Variants in EIF4E observed in about 807,000 individuals in gnomAD.
The protein encoded by EIF4E is eIF-4F 25 kDa subunit.
For missense variants in EIF4E, 113 were observed against 265.6 expected, an observed-to-expected ratio of 0.43 and a Z score of 3.99; for synonymous variants, 71 against 88.5, an observed-to-expected ratio of 0.80 and a Z score of 1.11.
intron 1 of EIF4E, among the ~76,000 whole-genome samples, chr4:98,905,566 G>GT (rs1033902911): frequency 5.3e-5 from 8 of 152,116 alleles, no homozygotes; most frequent in South Asian, 2.1e-4. Context: ...GGCTAAAAGT[G>GT]TACCTTTCAT....
intron 1 of EIF4E, among the ~76,000 whole-genome samples, chr4:98,903,162 AAAG>A (rs1401402751): frequency 6.6e-6 from 1 of 152,210 alleles, no homozygotes; most frequent in African/African-American, 2.4e-5. Flanking sequence ...GTTGTCAACA[AAAG>A]AAGAGAGCCA....
intron 2 of EIF4E, among the ~76,000 whole-genome samples, chr4:98,901,007 C>T (rs1464834199): frequency 6.6e-6 from 1 of 152,132 alleles, no homozygotes; most frequent in Non-Finnish European, 1.5e-5. Context: ...ATCTCTTTTT[C>T]CATGTTTTAT....
intron 1 of EIF4E, among the ~76,000 whole-genome samples, chr4:98,917,697 A>T (rs1018429876): frequency 2.6e-5 from 4 of 152,224 alleles, no homozygotes; most frequent in African/African-American, 9.6e-5. Flanking sequence ...GGCCAAAGAT[A>T]CAAGAATGTG....
intron 1 of EIF4E, among the ~76,000 whole-genome samples, chr4:98,919,338 AAAAAAAAAC>A (rs564417896): frequency 4.2e-3 from 615 of 148,188 alleles, no homozygotes; most frequent in Non-Finnish European, 7.4e-3. Context: ...CTAGCAAAAA[AAAAAAAAAC>A]AAAAAAAAAC....
intron 1 of EIF4E, chr4:98,903,618 T>C (rs1451045624): frequency 2.4e-5 from 9 of 372,700 alleles, no homozygotes; most frequent in African/African-American, 8.5e-5. Context: ...GATATGTTTT[T>C]TCTTATCAAC....
At position 98,921,185 on chromosome 4, in the gene EIF4E, A is replaced by G. The variant is rs115213755; in HGVS notation, c.18+7910T>C. Among the ~76,000 whole-genome samples the G allele has an allele frequency of 4.1e-3, 624 of 152,330 alleles. 4 individuals are homozygous for G. The highest frequency in any genetic ancestry group is 0.014 in the African/African-American group (595 of 41,570). The stretch of plus-strand genomic sequence containing the variant: ...TTCCTCACCTATAAAGTATTCATTT[A>G]TTCATCAGAAAAAGAACTATAAGAA... On this transcript the variant is annotated intron_variant, in intron 1 of 6. Transcript: ENST00000450253.
At chr4:98,918,685 T>C (rs1579183508) in intron 1 of EIF4E, among the ~76,000 whole-genome samples, 1 of 152,278 alleles carries the variant, frequency 6.6e-6, no homozygotes, top group East Asian at 1.9e-4. Context: ...ATAGAAATAA[T>C]TATGTTAAAA....
intron 1 of EIF4E, chr4:98,903,365 T>TG (rs1560644489): frequency 2.4e-6 from 1 of 424,972 alleles, no homozygotes; most frequent in Non-Finnish European, 4.6e-6. Context: ...TATGGGTTTT[T>TG]TTTTTTTTTG....
In EIF4E at chr4:98,902,274, G is replaced by A. The variant is rs901056346; in HGVS notation, c.19-292C>T. 5.3e-5 allele frequency among the ~76,000 whole-genome samples: 8 copies of A among 152,102 alleles called. No homozygotes were observed. In the South Asian group the frequency reaches 1.0e-3, roughly 20 times the overall value. On this transcript the variant is annotated intron_variant, in intron 1 of 6. Transcript: ENST00000450253. ...TTTAGTAGAGACGGGGTTTCACCCC[G>A]TTGGTCAGGCTGGTCTTGAACTCCT...
intron 1 of EIF4E, among the ~76,000 whole-genome samples, chr4:98,917,113 C>A (rs1049875632): frequency 1.1e-4 from 9 of 82,550 alleles, no homozygotes; most frequent in African/African-American, 8.6e-4. Context: ...CACACACACA[C>A]ACACACACAC....
intron 2 of EIF4E, chr4:98,891,585 G>A: frequency 2.1e-6 from 1 of 479,748 alleles, no homozygotes; most frequent in Non-Finnish European, 3.7e-6. Flanking sequence ...AATACTGTAT[G>A]ATTCCACTTA....
intron 1 of EIF4E, among the ~76,000 whole-genome samples, chr4:98,917,862 G>A (rs1725452918): frequency 6.6e-6 from 1 of 152,132 alleles, no homozygotes; most frequent in African/African-American, 2.4e-5. Context: ...GACTGCTTGA[G>A]CCCAGGAGTT....
At chr4:98,885,650 C>T (rs1723887155) in intron 5 of EIF4E, among the ~76,000 whole-genome samples, 1 of 152,132 alleles carries the variant, frequency 6.6e-6, no homozygotes, top group South Asian at 2.1e-4. Flanking sequence ...CAGGGTTTTG[C>T]CATGTTGCCC....
In EIF4E at chr4:98,882,990, A is replaced by G. The variant is rs1404980195; in HGVS notation, c.540-1848T>C. ...TGATCCAGAAATAAATTATGTTCAC[A>G]TAAAAATTTACATGGCTGAGAGCAA... On this transcript the variant is annotated intron_variant, in intron 6 of 6. Coordinates refer to ENST00000450253, the MANE Select transcript of EIF4E (RefSeq NM_001968.5). 3.9e-5 allele frequency among the ~76,000 whole-genome samples: 6 copies of G among 152,220 alleles called. No homozygotes were observed. The East Asian group carries it at 1.2e-3, about 29-fold the overall frequency.
intron 2 of EIF4E, among the ~76,000 whole-genome samples, chr4:98,894,805 C>A (rs764177473): frequency 6.6e-6 from 1 of 152,220 alleles, no homozygotes; most frequent in Non-Finnish European, 1.5e-5. Context: ...TTATTTGGTA[C>A]AACAGACCTA....
At chr4:98,904,230 C>T (rs923381893) in intron 1 of EIF4E, among the ~76,000 whole-genome samples, 2 of 152,004 alleles carry the variant, frequency 1.3e-5, no homozygotes, top group African/African-American at 4.8e-5. Context: ...GAGGCCAAGG[C>T]GAGAGGACTG....
chr4:98,885,264 T>C (rs1723865742), intron 5 of EIF4E, among the ~76,000 whole-genome samples: 1 of 152,212 alleles, frequency 6.6e-6, no homozygotes. Flanking sequence ...AATCAGCCTT[T>C]TTCAGCAAAT....
rs1723985062 is a variant in EIF4E, at chr4:98,887,782, C to T, written c.285+107G>A. On this transcript the variant is annotated intron_variant, in intron 4 of 6. Coordinates refer to ENST00000450253, the MANE Select transcript of EIF4E (RefSeq NM_001968.5). The surrounding 1 kb of genome is among the most constrained non-coding windows in gnomAD (Gnocchi z 4.0). ...TACTACAGCCAATTAAATTATCAGCCTATTCATCACACTATCAAATATTCC... is the reference window on the plus strand; with the variant it reads ...TACTACAGCCAATTAAATTATCAGCTTATTCATCACACTATCAAATATTCC... 9 of 927,996 alleles carry T rather than the reference C, an allele frequency of 9.7e-6. No individual in the cohort carries two copies. In the South Asian group the frequency reaches 1.1e-4, roughly 12 times the overall value. The allele number at this position is 927,996 out of a possible 1,614,324, so 57.5% of individuals were successfully genotyped here. A position where few individuals can be genotyped will look rare whatever the true frequency, so the allele number is the denominator to read the frequency against.
At chr4:98,902,841 A>G (rs1724707522) in intron 1 of EIF4E, among the ~76,000 whole-genome samples, 1 of 151,862 alleles carries the variant, frequency 6.6e-6, no homozygotes, top group Admixed American at 6.6e-5. Flanking sequence ...CCCTGTCTCA[A>G]AAACAAACAA....
Sources: allele counts gnomAD v4.1 joint callset (sites outside exome capture counted in the v4.1 genomes callset), GRCh38; gene constraint gnomAD v4.1.1; non-coding constraint Gnocchi (gnomAD v3.1); transcripts MANE v1.5; gene names NCBI Gene and HGNC (gene_info 2026-07-23, HGNC 2026-07-21).